PARVB: variants seen among roughly 807,000 people sequenced by gnomAD.
PARVB encodes parvin beta.
Under a neutral mutation model 47.0 loss-of-function variants are expected in PARVB, and 46 were observed. The ratio of observed to expected loss-of-function variants is 0.98; its 90% CI spans 0.77 to 1.25. The LOEUF (loss-of-function observed/expected upper bound fraction) is 1.25. Ranked by LOEUF, PARVB falls within the 50% of genes most tolerant of loss-of-function variation. The pLI, the probability that PARVB is intolerant of heterozygous loss-of-function variation, is 0.00. For missense variants in PARVB, 473 were observed against 471.6 expected (o/e 1.00, Z -0.03); for synonymous variants, 196 against 196.3 (o/e 1.00, Z 0.01).
intron 8 of PARVB, chr22:44,144,174 C>T (rs2053614860): frequency 6.6e-6 from 1 of 152,412 alleles, no homozygotes; most frequent in Non-Finnish European, 1.5e-5. Context: ...CTGGCTTGAA[C>T]CCCAGGACTG....
chr22:44,038,203 G>A (rs2050954364), intron 1 of PARVB, among the ~76,000 whole-genome samples: 1 of 152,218 alleles, frequency 6.6e-6, no homozygotes, highest in Admixed American at 6.5e-5. Context: ...CTGTCTTCCT[G>A]GGGTGTGGTG....
chr22:44,073,807 T>G (rs1195370613), intron 1 of PARVB, among the ~76,000 whole-genome samples: 1 of 152,244 alleles, frequency 6.6e-6, no homozygotes, highest in African/African-American at 2.4e-5. Flanking sequence ...GCCACCTGCT[T>G]TTCCCACACT....
At chr22:44,162,070 G>C (rs939244938) in intron 11 of PARVB, among the ~76,000 whole-genome samples, 2 of 152,176 alleles carry the variant, frequency 1.3e-5, no homozygotes, top group Non-Finnish European at 2.9e-5. Context: ...CCTATGACTA[G>C]CCAGACCCTC....
chr22:44,080,635 C>T lies in PARVB; in HGVS notation c.113-13293C>T, dbSNP rs117363076. On this transcript the variant is annotated intron_variant, in intron 1 of 12. Coordinates refer to ENST00000338758, the MANE Select transcript of PARVB (RefSeq NM_013327.5). ...TCTTGCCATGCAAAGTCACAGTTTC[C>T]TGGGACTTGATGTGGACATCTTTGC... is the stretch of plus-strand genomic sequence containing the variant. 1.2e-3 allele frequency among the ~76,000 whole-genome samples: 186 copies of T among 152,296 alleles called. 4 individuals are homozygous for T. In the East Asian group the frequency reaches 0.03, roughly 24 times the overall value.
chr22:44,163,761 G>A lies in PARVB; in HGVS notation c.946-97G>A, dbSNP rs2054102181. 1.8e-5 allele frequency: 19 copies of A among 1,054,830 alleles called. No homozygotes were observed. In the South Asian group the frequency reaches 3.0e-4, roughly 17 times the overall value. The allele number at this position is 1,054,830 out of a possible 1,614,324, so 65.3% of individuals were successfully genotyped here. Reference sequence around the variant, plus strand: ...TCCTTGTGGACGTCAGCGTTGCAGAGGCTCGGTCCTGTCCATGCCGGCTGT... The same window carrying A: ...TCCTTGTGGACGTCAGCGTTGCAGAAGCTCGGTCCTGTCCATGCCGGCTGT... On this transcript the variant is annotated intron_variant, in intron 11 of 12. Transcript: ENST00000338758.
intron 7 of PARVB, 101 bp from the exon 8 acceptor site, chr22:44,140,023 A>G (rs201369763): frequency 2.8e-5 from 4 of 141,960 alleles, no homozygotes; most frequent in South Asian, 6.8e-5. Flanking sequence ...GCGAGGGCCC[A>G]GCTTTCTGGC....
chr22:44,067,205 G>C (rs1026639582), intron 1 of PARVB, among the ~76,000 whole-genome samples: 3 of 152,196 alleles, frequency 2.0e-5, no homozygotes, highest in African/African-American at 7.2e-5. Flanking sequence ...CTTGCATTGT[G>C]AAATCCCCTT....
At chr22:44,058,401 G>A (rs1459444725) in intron 1 of PARVB, among the ~76,000 whole-genome samples, 1 of 152,080 alleles carries the variant, frequency 6.6e-6, no homozygotes, top group African/African-American at 2.4e-5. Context: ...CTCTCTGCAT[G>A]TCAGCATCCA....
chr22:43,999,811 A>G (rs1024541384), intron 2 of PARVB: 8 of 412,310 alleles, frequency 1.9e-5, no homozygotes, highest in Non-Finnish European at 3.0e-5. Flanking sequence ...ACTCTGCACA[A>G]CATAGTGAAA....
chr22:44,163,774 C>T, intron 11 of PARVB, 84 bp from the exon 12 acceptor site: 1 of 1,200,558 alleles, frequency 8.3e-7, no homozygotes, highest in Non-Finnish European at 1.2e-6. Context: ...TCGGTCCTGT[C>T]CATGCCGGCT....
At chr22:44,139,710 C>CAA (rs2053512456) in intron 7 of PARVB, 2 of 183,942 alleles carry the variant, frequency 1.1e-5, no homozygotes, top group South Asian at 2.6e-4. Flanking sequence ...TTCTGCCCCT[C>CAA]AAAGTGCTGG....
At chr22:44,145,910 T>TG (rs1047882331) in intron 8 of PARVB, 3 of 152,238 alleles carry the variant, frequency 2.0e-5, no homozygotes, top group South Asian at 2.1e-4. Flanking sequence ...TCACTTTTTT[T>TG]TTTTGTTTTG....
chr22:44,110,956 T>C (rs1170349200), intron 3 of PARVB: 2 of 152,200 alleles, frequency 1.3e-5, no homozygotes, highest in Non-Finnish European at 2.9e-5. Flanking sequence ...TGGATAGTGA[T>C]TAATTTGTAA....
chr22:44,111,171 A>G (rs932719638), intron 3 of PARVB: 3 of 151,964 alleles, frequency 2.0e-5, no homozygotes, highest in African/African-American at 7.3e-5. Flanking sequence ...CATTTGGACT[A>G]GTACCTTGGG....
chr22:44,117,046 CCCTT>C (rs1434845915), intron 3 of PARVB, among the ~76,000 whole-genome samples: 3 of 152,052 alleles, frequency 2.0e-5, no homozygotes, highest in East Asian at 3.9e-4. Flanking sequence ...CTTCCTGCCT[CCCTT>C]CCTTCCTGCC....
chr22:44,108,280 C>T (rs2052613914), intron 3 of PARVB: 1 of 152,176 alleles, frequency 6.6e-6, no homozygotes, highest in Non-Finnish European at 1.5e-5. Flanking sequence ...GAGGTGAGGG[C>T]CCTGATTTGT....
chr22:44,168,449 G>A (rs1021770001), intron 12 of PARVB, among the ~76,000 whole-genome samples, 153 bp from the exon 13 acceptor site: 26 of 152,260 alleles, frequency 1.7e-4, no homozygotes, highest in African/African-American at 5.8e-4. Flanking sequence ...ACTGCCCAGA[G>A]CGTCCTGGAC....
chr22:44,094,717 C>G lies in PARVB; in HGVS notation c.202+700C>G, dbSNP rs575995077. ...TGTTGCTCAGACTGGTCTCCAACTCCTGGGCTCAAGCAGTTCTCCTGCCTC... is the reference window on the plus strand; with the variant it reads ...TGTTGCTCAGACTGGTCTCCAACTCGTGGGCTCAAGCAGTTCTCCTGCCTC... On this transcript the variant is annotated intron_variant, in intron 2 of 12. Transcript: ENST00000338758. Among the ~76,000 whole-genome samples, 63 of 151,816 alleles carry G rather than the reference C, an allele frequency of 4.1e-4. 1 individual carries two copies. Among genetic ancestry groups the G allele is most frequent in the African/African-American group, 1.4e-3 (58 of 41,432 alleles).
chr22:44,122,042 G>A (rs1458268406), intron 4 of PARVB, among the ~76,000 whole-genome samples: 3 of 151,996 alleles, frequency 2.0e-5, no homozygotes. Flanking sequence ...CTTTTTGAGT[G>A]GTCATGTCAT....
Sources: gnomAD v4.1 joint callset for allele counts (sites outside exome capture counted in the v4.1 genomes callset) on GRCh38, gnomAD v4.1.1 for gene constraint, MANE v1.5 for transcripts, NCBI Gene and HGNC (gene_info 2026-07-23, HGNC 2026-07-21) for gene names.